ELMO1: variants seen among roughly 807,000 people sequenced by gnomAD.
ELMO1 encodes engulfment and cell motility 1.
In ELMO1, 26 loss-of-function variants were observed where a neutral mutation model predicts 98.9. That is an observed-to-expected ratio of 0.26 (90% CI 0.19 to 0.36). The LOEUF (loss-of-function observed/expected upper bound fraction) is 0.36, where lower values mean the gene tolerates loss of function less well. Among genes scored for constraint, ELMO1 ranks in the 10% least tolerant of loss-of-function variants. The pLI is 1.00. For synonymous variants in ELMO1, 346 were observed against 346.0 expected (o/e 1.00, Z 0.00); for missense variants, 627 against 935.2 (o/e 0.67, Z 4.30).
At chr7:37,406,453 A>G (rs1562670741) in intron 1 of ELMO1, among the ~76,000 whole-genome samples, 2 of 151,926 alleles carry the variant, frequency 1.3e-5, no homozygotes, top group Non-Finnish European at 2.9e-5. Context: ...TTTATGAGAC[A>G]GAGTCTTGCT....
At chr7:36,875,763 G>A (rs746575204) in intron 19 of ELMO1, among the ~76,000 whole-genome samples, 5 of 152,074 alleles carry the variant, frequency 3.3e-5, no homozygotes, top group Non-Finnish European at 7.4e-5. Context: ...CAGAGCTGGG[G>A]GGCATTAGCT....
intron 16 of ELMO1, among the ~76,000 whole-genome samples, chr7:36,920,304 C>T (rs1222855217): frequency 6.6e-6 from 1 of 152,240 alleles, no homozygotes; most frequent in Admixed American, 6.5e-5. Context: ...TTTCATTGGA[C>T]TGTTGCCCCA....
chr7:36,936,489 G>A (rs187885834), intron 16 of ELMO1, among the ~76,000 whole-genome samples: 4 of 152,132 alleles, frequency 2.6e-5, no homozygotes, highest in East Asian at 1.9e-4. Flanking sequence ...TGGGGGTCTC[G>A]CTCTGTTGCC....
intron 6 of ELMO1, among the ~76,000 whole-genome samples, chr7:37,248,732 T>A (rs555170499): frequency 6.6e-6 from 1 of 152,258 alleles, no homozygotes. Context: ...AAAACGTGCA[T>A]GGTGTCAGCT....
intron 4 of ELMO1, among the ~76,000 whole-genome samples, chr7:37,295,466 T>G (rs923892633): frequency 1.3e-5 from 2 of 152,246 alleles, no homozygotes; most frequent in Admixed American, 1.3e-4. Context: ...ACAAAACTCA[T>G]CTGTCTGAAA....
chr7:36,952,698 GA>G (rs1472164459), intron 16 of ELMO1, among the ~76,000 whole-genome samples: 1 of 152,084 alleles, frequency 6.6e-6, no homozygotes, highest in Admixed American at 6.6e-5. Context: ...AAAAAAGGGG[GA>G]AAAAACTGAA....
chr7:37,088,234 G>GTA, intron 15 of ELMO1, among the ~76,000 whole-genome samples: 1 of 152,308 alleles, frequency 6.6e-6, no homozygotes, highest in South Asian at 2.1e-4. Context: ...GATGTGCTTA[G>GTA]TATAGTCTCC....
At chr7:37,083,599 A>G (rs934604888) in intron 15 of ELMO1, among the ~76,000 whole-genome samples, 2 of 152,262 alleles carry the variant, frequency 1.3e-5, no homozygotes, top group African/African-American at 4.8e-5. Context: ...CTTGCGGCCA[A>G]AACCCTTGGG....
intron 4 of ELMO1, among the ~76,000 whole-genome samples, chr7:37,295,407 T>A (rs893338477): frequency 1.3e-5 from 2 of 152,238 alleles, no homozygotes; most frequent in Non-Finnish European, 2.9e-5. Context: ...TAAAAGTTTT[T>A]AAATTACTAC....
intron 13 of ELMO1, among the ~76,000 whole-genome samples, chr7:37,171,471 C>T (rs1367239203): frequency 7.1e-6 from 1 of 140,194 alleles, no homozygotes; most frequent in African/African-American, 2.6e-5. Flanking sequence ...ATTCTTGTAA[C>T]CAGGCCTTTC....
chr7:37,133,072 T>A, intron 14 of ELMO1, 58 bp downstream of exon 14: 1 of 1,404,986 alleles, frequency 7.1e-7, no homozygotes, highest in Non-Finnish European at 9.8e-7. Flanking sequence ...TATTTGTGAG[T>A]TTGAAATTAA....
At chr7:37,084,001 T>C (rs1257311180) in intron 15 of ELMO1, among the ~76,000 whole-genome samples, 3 of 152,214 alleles carry the variant, frequency 2.0e-5, no homozygotes, top group African/African-American at 7.2e-5. Flanking sequence ...AGCTGAGAGC[T>C]GTCTGGAGGC....
chr7:37,282,712 C>T (rs1797203249), intron 4 of ELMO1, among the ~76,000 whole-genome samples: 1 of 152,214 alleles, frequency 6.6e-6, no homozygotes, highest in South Asian at 2.1e-4. Flanking sequence ...GCCCATTCCC[C>T]ATAACTGAGG....
At chr7:37,231,917 A>G (rs1446404094) in intron 8 of ELMO1, among the ~76,000 whole-genome samples, 1 of 152,038 alleles carries the variant, frequency 6.6e-6, no homozygotes, top group African/African-American at 2.4e-5. Context: ...TAGTGGTGCA[A>G]TGTCGGCTCA....
At chr7:37,420,089 A>G (rs1440621860) in intron 1 of ELMO1, among the ~76,000 whole-genome samples, 1 of 152,190 alleles carries the variant, frequency 6.6e-6, no homozygotes, top group Non-Finnish European at 1.5e-5. Context: ...GGGGGCTTTC[A>G]GAGGCTGAGA....
intron 16 of ELMO1, among the ~76,000 whole-genome samples, chr7:36,961,974 T>C (rs1311869260): frequency 6.6e-6 from 1 of 152,252 alleles, no homozygotes; most frequent in Non-Finnish European, 1.5e-5. Flanking sequence ...AAAAATTGTG[T>C]GACTTAATTA....
At chr7:36,872,778 T>C (rs1803634199) in intron 19 of ELMO1, among the ~76,000 whole-genome samples, 1 of 152,228 alleles carries the variant, frequency 6.6e-6, no homozygotes, top group Non-Finnish European at 1.5e-5. Context: ...GTGAATGTGA[T>C]ATAGTCAACA....
At chr7:37,192,541 T>C (rs1791662495) in intron 13 of ELMO1, among the ~76,000 whole-genome samples, 1 of 146,518 alleles carries the variant, frequency 6.8e-6, no homozygotes, top group South Asian at 2.2e-4. Flanking sequence ...GGTTCACACC[T>C]ATAATCCAGC....
At chr7:37,437,274 A>G (rs1171948931) in intron 1 of ELMO1, among the ~76,000 whole-genome samples, 1 of 152,186 alleles carries the variant, frequency 6.6e-6, no homozygotes, top group Non-Finnish European at 1.5e-5. Flanking sequence ...CAATGGAGCC[A>G]TCTCCATTCT....
Sources: allele counts gnomAD v4.1 joint callset (sites outside exome capture counted in the v4.1 genomes callset), GRCh38; gene constraint gnomAD v4.1.1; transcripts MANE v1.5; gene names NCBI Gene and HGNC (gene_info 2026-07-23, HGNC 2026-07-21).